Variants in PDZRN3 observed in about 807,000 individuals in gnomAD.
The protein encoded by PDZRN3 is PDZ domain containing ring finger 3, also known as E3 ubiquitin-protein ligase PDZRN3.
In PDZRN3, 38 loss-of-function variants were observed where a neutral mutation model predicts 85.7. That is an observed-to-expected ratio of 0.44 (90% CI 0.34 to 0.58). The LOEUF is 0.58. Among genes scored for constraint, PDZRN3 ranks in the 20% least tolerant of loss-of-function variants. The pLI is 0.01. For missense variants in PDZRN3, 1,629 were observed against 1,506.4 expected, an observed-to-expected ratio of 1.08 and a Z score of -1.35; for synonymous variants, 759 against 638.0, an observed-to-expected ratio of 1.19 and a Z score of -2.86.
rs780825606 is a variant in PDZRN3, at chr3:73,602,419, T to C, written c.853A>G (p.Lys285Glu). The stretch of plus-strand genomic sequence containing the variant: ...GCTGCAGGCCCACTGTCAACTATCT[T>C]GGATACAAAGATTCCTTCACTGGAT... ...GSSSEGIFVS[K>E]IVDSGPAAKE... Residue 285 changes from lysine to glutamate, a missense_variant, in exon 3 of 10, where the codon AAG (lysine) becomes GAG (glutamate). Physicochemically the swap from Lys to Glu is moderately conservative, Grantham distance 56. Transcript: ENST00000263666. The C allele has an allele frequency of 6.2e-7, 1 of 1,611,532 alleles. No individual in the cohort carries two copies. Among genetic ancestry groups the C allele is most frequent in the Admixed American group, 1.7e-5 (1 of 59,994 alleles).
chr3:73,498,351 G>A (rs553032637), intron 3 of PDZRN3, among the ~76,000 whole-genome samples: 3 of 152,204 alleles, frequency 2.0e-5, no homozygotes, highest in African/African-American at 4.8e-5. Context: ...GGGGACAGTT[G>A]GTAGTATGTA....
At chr3:73,415,216 G>A (rs1024928742) in intron 3 of PDZRN3, among the ~76,000 whole-genome samples, 4 of 152,146 alleles carry the variant, frequency 2.6e-5, no homozygotes, top group Admixed American at 6.5e-5. Flanking sequence ...GTCCCCTGAG[G>A]AACAGGTGTA....
intron 3 of PDZRN3, among the ~76,000 whole-genome samples, chr3:73,590,921 C>A (rs1017254234): frequency 6.6e-6 from 1 of 152,138 alleles, no homozygotes; most frequent in African/African-American, 2.4e-5. Flanking sequence ...GAGTTTAGAA[C>A]AAGTAATGAA....
At chr3:73,438,346 T>C (rs1702570405) in intron 3 of PDZRN3, among the ~76,000 whole-genome samples, 1 of 152,258 alleles carries the variant, frequency 6.6e-6, no homozygotes, top group African/African-American at 2.4e-5. Context: ...ATTTAATTGC[T>C]GAATAAGCTA....
intron 3 of PDZRN3, among the ~76,000 whole-genome samples, chr3:73,435,945 C>T (rs139241070): frequency 6.6e-6 from 1 of 152,350 alleles, no homozygotes; most frequent in East Asian, 1.9e-4. Flanking sequence ...GTCTCATACC[C>T]ATCATTGCTC....
chr3:73,577,659 T>C (rs997299989), intron 3 of PDZRN3, among the ~76,000 whole-genome samples: 1 of 152,170 alleles, frequency 6.6e-6, no homozygotes, highest in Non-Finnish European at 1.5e-5. Context: ...GGGATGTCTC[T>C]TGATAGCACT....
chr3:73,526,757 G>A (rs1171206883), intron 3 of PDZRN3, among the ~76,000 whole-genome samples: 1 of 152,100 alleles, frequency 6.6e-6, no homozygotes, highest in Non-Finnish European at 1.5e-5. Context: ...GGGTGATCTC[G>A]ACTCACTGCA....
chr3:73,450,181 G>C (rs1184927645), intron 3 of PDZRN3, among the ~76,000 whole-genome samples: 1 of 152,164 alleles, frequency 6.6e-6, no homozygotes, highest in African/African-American at 2.4e-5. Flanking sequence ...TTTAATGTGA[G>C]AGAGGCTTCC....
rs1345615449 is a variant in PDZRN3, at chr3:73,418,982, T to C, written c.919-14587A>G. Among the ~76,000 whole-genome samples, 3 of 152,168 alleles carry C rather than the reference T, an allele frequency of 2.0e-5. No individual in the cohort carries two copies. In the East Asian group the frequency reaches 5.8e-4, roughly 29 times the overall value. Reference sequence around the variant, plus strand: ...ATTGTTAGAGTTTTAACAATGAAGCTAAAGGGGTTGCTTTTAGTGAGAGGT... The same window carrying C: ...ATTGTTAGAGTTTTAACAATGAAGCCAAAGGGGTTGCTTTTAGTGAGAGGT... On this transcript the variant is annotated intron_variant, in intron 3 of 9. Coordinates refer to ENST00000263666, the MANE Select transcript of PDZRN3 (RefSeq NM_015009.3).
intron 3 of PDZRN3, among the ~76,000 whole-genome samples, chr3:73,453,458 G>A (rs898371341): frequency 2.0e-5 from 3 of 147,894 alleles, no homozygotes; most frequent in African/African-American, 2.5e-5. Flanking sequence ...GAAAGAATTC[G>A]CTGTTAATTC....
At chr3:73,565,957 A>G (rs574296413) in intron 3 of PDZRN3, among the ~76,000 whole-genome samples, 31 of 152,328 alleles carry the variant, frequency 2.0e-4, no homozygotes, top group African/African-American at 6.7e-4. Flanking sequence ...CAAAGACATG[A>G]GTCACATCTG....
At chr3:73,467,726 T>G (rs557869991) in intron 3 of PDZRN3, among the ~76,000 whole-genome samples, 41 of 152,394 alleles carry the variant, frequency 2.7e-4, no homozygotes, top group African/African-American at 9.6e-4. Context: ...GCTTTCATTC[T>G]GTTCATTTTT....
At chr3:73,534,767 A>G (rs1252936188) in intron 3 of PDZRN3, among the ~76,000 whole-genome samples, 1 of 152,216 alleles carries the variant, frequency 6.6e-6, no homozygotes, top group Non-Finnish European at 1.5e-5. Context: ...TGATGATTCT[A>G]AGATACCTTT....
In PDZRN3 at chr3:73,624,400, G is replaced by A; in HGVS notation, c.426C>T (p.Cys142=). The change falls in exon 1 of 10, where the codon TGC becomes TGT. Residue 142 remains cysteine, a synonymous_variant. Coordinates refer to ENST00000263666, the MANE Select transcript of PDZRN3 (RefSeq NM_015009.3). ...DACDARPVGR[C]QEGCGLPLTH... ...TCAAGGGTAGCCCGCAGCCCTCCTG[G>A]CAGCGGCCCACTGGCCGCGCGTCGC... 7.7e-7 allele frequency: 1 copy of A among 1,304,914 alleles called. No homozygotes were observed. The highest frequency in any genetic ancestry group is 9.7e-7 in the Non-Finnish European group (1 of 1,031,964). The allele number at this position is 1,304,914 out of a possible 1,614,324, so 80.8% of individuals were successfully genotyped here. A position where few individuals can be genotyped will look rare whatever the true frequency, so the allele number is the denominator to read the frequency against.
chr3:73,496,568 A>AC (rs1703870648), intron 3 of PDZRN3, among the ~76,000 whole-genome samples: 1 of 10,856 alleles, frequency 9.2e-5, no homozygotes, highest in Non-Finnish European at 7.1e-4. Context: ...AGTAAAGAGG[A>AC]CTTAAAAAAA....
intron 3 of PDZRN3, among the ~76,000 whole-genome samples, chr3:73,426,672 T>C (rs1370650815): frequency 2.6e-5 from 4 of 152,190 alleles, no homozygotes; most frequent in Non-Finnish European, 5.9e-5. Context: ...TCTTCCAGCA[T>C]TTTTGATTTA....
At chr3:73,583,058 A>C (rs996104588) in intron 3 of PDZRN3, among the ~76,000 whole-genome samples, 1 of 152,242 alleles carries the variant, frequency 6.6e-6, no homozygotes, top group Non-Finnish European at 1.5e-5. Flanking sequence ...ATCAATAATC[A>C]TAATGTGATA....
intron 3 of PDZRN3, among the ~76,000 whole-genome samples, chr3:73,470,976 T>C (rs186916017): frequency 6.6e-6 from 1 of 152,348 alleles, no homozygotes; most frequent in African/African-American, 2.4e-5. Flanking sequence ...ATGTCTGTAA[T>C]GTGTTGAAAT....
intron 3 of PDZRN3, among the ~76,000 whole-genome samples, chr3:73,502,076 T>C (rs1443822332): frequency 6.6e-6 from 1 of 152,170 alleles, no homozygotes; most frequent in Non-Finnish European, 1.5e-5. Flanking sequence ...ATGAAGCTCC[T>C]TGAATTGCTG....
Sources: gnomAD v4.1 joint callset for allele counts (sites outside exome capture counted in the v4.1 genomes callset) on GRCh38, gnomAD v4.1.1 for gene constraint, MANE v1.5 for transcripts, NCBI Gene and HGNC (gene_info 2026-07-23, HGNC 2026-07-21) for gene names.